The following COL7A1 variants were observed in gnomAD, a reference collection of about 807,000 sequenced individuals.
COL7A1 encodes the protein collagen alpha-1(VII) chain.
A neutral mutation model predicts 456.2 loss-of-function variants in COL7A1; 296 were observed. That is an observed-to-expected ratio of 0.65 (90% CI 0.59 to 0.71). The LOEUF is 0.71. COL7A1 is among the 30% of genes least tolerant of loss of function. The pLI, the probability that COL7A1 is intolerant of heterozygous loss-of-function variation, is 0.00. For synonymous variants in COL7A1, 1,464 were observed against 1,525.9 expected, an observed-to-expected ratio of 0.96 and a Z score of 0.95; for missense variants, 3,441 against 4,017.2, an observed-to-expected ratio of 0.86 and a Z score of 3.88.
At position 48,573,325 on chromosome 3, in the gene COL7A1, A is replaced by T. The variant is rs992112872; in HGVS notation, c.6642T>A (p.Pro2214=). The T allele has an allele frequency of 6.2e-7, 1 of 1,613,840 alleles. No homozygotes were observed. The highest frequency in any genetic ancestry group is 1.3e-5 in the African/African-American group (1 of 74,886). Residue 2214 remains proline, a synonymous_variant, in exon 84 of 119, where the codon CCT becomes CCA. Transcript: ENST00000681320. The surrounding 1 kb of genome is among the most constrained non-coding windows in gnomAD (Gnocchi z 5.5). ...GLKGEPGETG[P]PGRGLTGPTG... ...GAGCTAGGCCACTCACCCGTCCTGG[A>T]GGTCCTGTCTCTCCAGGCTCCCCCT...
Position 48,578,206 on chromosome 3 carries a change from G to A in COL7A1, c.5532+115C>T. 1 of 1,200,018 alleles carries A rather than the reference G, an allele frequency of 8.3e-7. No homozygotes were observed. Among genetic ancestry groups the A allele is most frequent in the South Asian group, 1.3e-5 (1 of 78,444 alleles). The allele number at this position is 1,200,018 out of a possible 1,614,324, so 74.3% of individuals were successfully genotyped here. A position where few individuals can be genotyped will look rare whatever the true frequency, so the allele number is the denominator to read the frequency against. ...TGTTTCTGGATGCATCTGTATGTCT[G>A]GGCCAGGATGCATGTGTCTACACGT... On this transcript the variant is annotated intron_variant, in intron 65 of 118. Coordinates refer to ENST00000681320, the MANE Select transcript of COL7A1 (RefSeq NM_000094.4). This position sits in a 1 kb window ranked among gnomAD's most constrained non-coding sequence, Gnocchi z 4.7.
rs2043578675 is a variant in COL7A1 at position 48,565,751 on chromosome 3, G to A, written c.8408-83C>T. ...AGAGACAGACAGAGACACACAGGCA[G>A]AGGGGTAGAGATACACAAAGAGATA... On this transcript the variant is annotated intron_variant, in intron 114 of 118. Transcript: ENST00000681320. The surrounding 1 kb of genome is among the most constrained non-coding windows in gnomAD (Gnocchi z 4.5). 3 of 1,314,020 alleles carry A rather than the reference G, an allele frequency of 2.3e-6. No individual in the cohort carries two copies. The highest frequency in any genetic ancestry group is 1.8e-4 in the Middle Eastern group (1 of 5,486). The allele number at this position is 1,314,020 out of a possible 1,614,324, so 81.4% of individuals were successfully genotyped here.
chr3:48,589,607 G>C lies in COL7A1; in HGVS notation c.2162C>G (p.Ser721Ter). The C allele has an allele frequency of 6.2e-7, 1 of 1,613,340 alleles. No homozygotes were observed. The highest frequency in any genetic ancestry group is 8.5e-7 in the Non-Finnish European group (1 of 1,179,926). Residue 721 changes from serine (S) to a stop codon, truncating the protein, a stop_gained, in exon 17 of 119, where the codon TCA becomes TGA. Transcript: ENST00000681320. LOFTEE classifies it high-confidence loss of function. ...GATGYRVSWH[S>*]AHGPEKSQLV... The stretch of plus-strand genomic sequence containing the variant: ...CAAACCCCAGTCCCCACCGTGGGCT[G>C]AGTGCCAGGAAACCCTGTATCCTGT...
rs2044948525 is a variant in COL7A1, at chr3:48,583,546, C to T, written c.4401+10G>A. 1.2e-6 allele frequency: 2 copies of T among 1,613,924 alleles called. No homozygotes were observed. Among genetic ancestry groups the T allele is most frequent in the Non-Finnish European group, 8.5e-7 (1 of 1,180,004 alleles). ...CCACCATATTCAGAATCCCTGGCCC[C>T]TCCACTCACCTGCTCACCCGGAGAC... On this transcript the variant is annotated intron_variant, in intron 41 of 118. Coordinates refer to ENST00000681320, the MANE Select transcript of COL7A1 (RefSeq NM_000094.4). This position sits in a 1 kb window ranked among gnomAD's most constrained non-coding sequence, Gnocchi z 5.1.
rs765082267 is a variant in COL7A1, at chr3:48,580,862, T to C, written c.4980+20A>G. 2 of 1,614,102 alleles carry C rather than the reference T, an allele frequency of 1.2e-6. No homozygotes were observed. The highest frequency in any genetic ancestry group is 4.5e-5 in the East Asian group (2 of 44,874). On this transcript the variant is annotated intron_variant, in intron 54 of 118. Coordinates refer to ENST00000681320, the MANE Select transcript of COL7A1 (RefSeq NM_000094.4). This position sits in a 1 kb window ranked among gnomAD's most constrained non-coding sequence, Gnocchi z 4.5. ...GCCCACCTCCCATCACCCCTGTTAC[T>C]TCTCTCTGCCAAGACTCACCCGAAG... is the stretch of plus-strand genomic sequence containing the variant.
Position 48,583,317 on chromosome 3 carries a change from T to A in COL7A1, c.4437+76A>T. On this transcript the variant is annotated intron_variant, in intron 42 of 118. Transcript: ENST00000681320. The surrounding 1 kb of genome is among the most constrained non-coding windows in gnomAD (Gnocchi z 5.1). ...CCTGGAGGGAACTCTTATCTCCTTA[T>A]CTTCCAGCCTCCCCTAACACCATGG... 6.2e-7 allele frequency: 1 copy of A among 1,610,890 alleles called. No individual in the cohort carries two copies. The highest frequency in any genetic ancestry group is 8.5e-7 in the Non-Finnish European group (1 of 1,177,452).
In COL7A1 at chr3:48,568,915, T is replaced by G. The variant is rs1474972285; in HGVS notation, c.7687-60A>C. The G allele has an allele frequency of 4.0e-5, 60 of 1,504,376 alleles. No homozygotes were observed. The highest frequency in any genetic ancestry group is 3.4e-4 in the Middle Eastern group (2 of 5,898). The allele number at this position is 1,504,376 out of a possible 1,614,324, so 93.2% of individuals were successfully genotyped here. The stretch of plus-strand genomic sequence containing the variant: ...ACCAGATCAGGCTGGGGGCTTAGAA[T>G]ACAACGAGCCCGCCAGCTGGGGCAG... On this transcript the variant is annotated intron_variant, in intron 103 of 118. Transcript: ENST00000681320. The surrounding 1 kb of genome is among the most constrained non-coding windows in gnomAD (Gnocchi z 5.2).
Position 48,580,483 on chromosome 3 carries a change from G to A in COL7A1, c.5052+98C>T, listed in dbSNP as rs2107705810. ...GGGTCAAAGGAAGTGAAGATTGGGA[G>A]GGTTTAGCATTACAGGGTTGGGGGG... On this transcript the variant is annotated intron_variant, in intron 55 of 118. Transcript: ENST00000681320. This position sits in a 1 kb window ranked among gnomAD's most constrained non-coding sequence, Gnocchi z 4.5. 6.7e-7 allele frequency: 1 copy of A among 1,492,350 alleles called. No homozygotes were observed. The highest frequency in any genetic ancestry group is 1.4e-5 in the African/African-American group (1 of 72,002). 92.4% of individuals were successfully genotyped at this position (1,492,350 alleles called of 1,614,324 possible).
Position 48,568,348 on chromosome 3 carries a change from T to A in COL7A1, c.7794+151A>T, listed in dbSNP as rs879733800. 6 of 1,043,586 alleles carry A rather than the reference T, an allele frequency of 5.7e-6. No individual in the cohort carries two copies. Among genetic ancestry groups the A allele is most frequent in the Non-Finnish European group, 7.3e-6 (5 of 689,456 alleles). 64.6% of individuals were successfully genotyped at this position (1,043,586 alleles called of 1,614,324 possible). ...GGCAGGGGACACCATCATAGGCGGC[T>A]ACTGTGGAGGTGGGGGACCCTGGGT... On this transcript the variant is annotated intron_variant, in intron 105 of 118. Transcript: ENST00000681320. The surrounding 1 kb of genome is among the most constrained non-coding windows in gnomAD (Gnocchi z 5.2).
Position 48,564,285 on chromosome 3 carries a change from G to A in COL7A1, c.*121C>T, listed in dbSNP as rs572624572. On this transcript the variant is annotated 3_prime_UTR_variant, in exon 119 of 119. Transcript: ENST00000681320. This position sits in a 1 kb window ranked among gnomAD's most constrained non-coding sequence, Gnocchi z 6.0. Reference sequence around the variant, plus strand: ...CACGGGACCAAGTCACTGAAATAACGGACGTGCACACGCACGCTCACGTGC... The same window carrying A: ...CACGGGACCAAGTCACTGAAATAACAGACGTGCACACGCACGCTCACGTGC... The A allele has an allele frequency of 4.1e-6, 5 of 1,228,602 alleles. No homozygotes were observed. Among genetic ancestry groups the A allele is most frequent in the East Asian group, 2.4e-5 (1 of 41,554 alleles). The allele number at this position is 1,228,602 out of a possible 1,614,324, so 76.1% of individuals were successfully genotyped here. A position where few individuals can be genotyped will look rare whatever the true frequency, so the allele number is the denominator to read the frequency against.
Position 48,568,340 on chromosome 3 carries a change from T to C in COL7A1, c.7794+159A>G, listed in dbSNP as rs1050642443. The C allele has an allele frequency of 7.7e-6, 8 of 1,040,842 alleles. No individual in the cohort carries two copies. The African/African-American group carries it at 1.3e-4, about 16-fold the overall frequency. 64.5% of individuals were successfully genotyped at this position (1,040,842 alleles called of 1,614,324 possible). A position where few individuals can be genotyped will look rare whatever the true frequency, so the allele number is the denominator to read the frequency against. On this transcript the variant is annotated intron_variant, in intron 105 of 118. Transcript: ENST00000681320. This position sits in a 1 kb window ranked among gnomAD's most constrained non-coding sequence, Gnocchi z 5.2. ...TCACCATAGGCAGGGGACACCATCA[T>C]AGGCGGCTACTGTGGAGGTGGGGGA...
In COL7A1 at chr3:48,564,577, A is replaced by G; in HGVS notation, c.8819-155T>C. ...CATACTTAGGTCTTTAAAGGAGGGA[A>G]CATGGAAGGGGACCCTACTGGGGGC... is the stretch of plus-strand genomic sequence containing the variant. On this transcript the variant is annotated intron_variant, in intron 118 of 118. Transcript: ENST00000681320. The surrounding 1 kb of genome is among the most constrained non-coding windows in gnomAD (Gnocchi z 6.0). 1 of 1,059,078 alleles carries G rather than the reference A, an allele frequency of 9.4e-7. No homozygotes were observed. 65.6% of individuals were successfully genotyped at this position (1,059,078 alleles called of 1,614,324 possible).
rs368741066 is a variant in COL7A1, at chr3:48,588,221, C to G, written c.2710+61G>C. On this transcript the variant is annotated intron_variant, in intron 21 of 118. Coordinates refer to ENST00000681320, the MANE Select transcript of COL7A1 (RefSeq NM_000094.4). This position sits in a 1 kb window ranked among gnomAD's most constrained non-coding sequence, Gnocchi z 4.6. ...ACCATCACTGTCCTCGCCTACCTTGCGGAGTCTGCCACAGCCCTGCCCCCA... is the reference window on the plus strand; with the variant it reads ...ACCATCACTGTCCTCGCCTACCTTGGGGAGTCTGCCACAGCCCTGCCCCCA... The G allele has an allele frequency of 3.1e-6, 5 of 1,611,680 alleles. No individual in the cohort carries two copies. The highest frequency in any genetic ancestry group is 4.2e-6 in the Non-Finnish European group (5 of 1,179,550).
chr3:48,565,323 T>G lies in COL7A1; in HGVS notation c.8527+87A>C. The G allele has an allele frequency of 1.3e-6, 2 of 1,505,686 alleles. No individual in the cohort carries two copies. Among genetic ancestry groups the G allele is most frequent in the Non-Finnish European group, 1.8e-6 (2 of 1,100,960 alleles). The allele number at this position is 1,505,686 out of a possible 1,614,324, so 93.3% of individuals were successfully genotyped here. A position where few individuals can be genotyped will look rare whatever the true frequency, so the allele number is the denominator to read the frequency against. ...GTGTGCCCTGCATGCAGACCCTACG[T>G]GCTTGGCGTGTGCCCTGCATTCATG... On this transcript the variant is annotated intron_variant, in intron 116 of 118. Transcript: ENST00000681320. This position sits in a 1 kb window ranked among gnomAD's most constrained non-coding sequence, Gnocchi z 4.5.
Position 48,581,862 on chromosome 3 carries a change from C to T in COL7A1, c.4668+49G>A. 1 of 1,613,978 alleles carries T rather than the reference C, an allele frequency of 6.2e-7. No individual in the cohort carries two copies. Among genetic ancestry groups the T allele is most frequent in the Non-Finnish European group, 8.5e-7 (1 of 1,179,890 alleles). On this transcript the variant is annotated intron_variant, in intron 48 of 118. Transcript: ENST00000681320. This position sits in a 1 kb window ranked among gnomAD's most constrained non-coding sequence, Gnocchi z 5.8. ...AAGTCCCATAGATAGGCCCTATGAC[C>T]TAGACCTCAACCCTGTAGAAACCTC...
Position 48,566,237 on chromosome 3 carries a change from G to A in COL7A1, c.8407+30C>T. On this transcript the variant is annotated intron_variant, in intron 114 of 118. Transcript: ENST00000681320. This position sits in a 1 kb window ranked among gnomAD's most constrained non-coding sequence, Gnocchi z 5.9. ...CCCTTGCCTAGGGTGCTGGGGTGGA[G>A]TGGGAGACTGCGGGCTGGGCACCAC... The A allele has an allele frequency of 4.4e-6, 7 of 1,587,768 alleles. No individual in the cohort carries two copies. Among genetic ancestry groups the A allele is most frequent in the Non-Finnish European group, 5.1e-6 (6 of 1,168,128 alleles).
chr3:48,589,562 C>T, intron 17 of COL7A1, 37 bp downstream of exon 17: 2 of 1,612,826 alleles, frequency 1.2e-6, no homozygotes, highest in Non-Finnish European at 1.7e-6. Flanking sequence ...GCCCCCATTC[C>T]ACCCTGACCT....
rs746732443 is a variant in COL7A1 at position 48,591,870 on chromosome 3, G to C, written c.1357+28C>G. The C allele has an allele frequency of 6.2e-7, 1 of 1,614,160 alleles. No individual in the cohort carries two copies. Among genetic ancestry groups the C allele is most frequent in the East Asian group, 2.2e-5 (1 of 44,884 alleles). ...CAGCAGAGGCCATGCCCTGACCCTTGCCTGTCCATCCCTTCCCCCGCACTG... is the reference window on the plus strand; with the variant it reads ...CAGCAGAGGCCATGCCCTGACCCTTCCCTGTCCATCCCTTCCCCCGCACTG... On this transcript the variant is annotated intron_variant, in intron 11 of 118. Coordinates refer to ENST00000681320, the MANE Select transcript of COL7A1 (RefSeq NM_000094.4). The surrounding 1 kb of genome is among the most constrained non-coding windows in gnomAD (Gnocchi z 7.0).
Position 48,566,336 on chromosome 3 carries a change from G to T in COL7A1, c.8359-21C>A. 1 of 1,605,206 alleles carries T rather than the reference G, an allele frequency of 6.2e-7. No homozygotes were observed. Among genetic ancestry groups the T allele is most frequent in the Non-Finnish European group, 8.5e-7 (1 of 1,176,184 alleles). On this transcript the variant is annotated intron_variant, in intron 113 of 118. Coordinates refer to ENST00000681320, the MANE Select transcript of COL7A1 (RefSeq NM_000094.4). This position sits in a 1 kb window ranked among gnomAD's most constrained non-coding sequence, Gnocchi z 5.9. Reference sequence around the variant, plus strand: ...TCCTCCTGGGAGCAGAAGACCACAGGGACCATAAAGAACCCATGGCCCACA... The same window carrying T: ...TCCTCCTGGGAGCAGAAGACCACAGTGACCATAAAGAACCCATGGCCCACA...
Sources: gnomAD v4.1 joint callset for allele counts on GRCh38, gnomAD v4.1.1 for gene constraint, Gnocchi (gnomAD v3.1) non-coding constraint, MANE v1.5 for transcripts, NCBI Gene and HGNC (gene_info 2026-07-23, HGNC 2026-07-21) for gene names.